Variants in SLC46A1 observed in about 807,000 individuals in gnomAD.
The protein encoded by SLC46A1 is solute carrier family 46 member 1.
In SLC46A1, 17 loss-of-function variants were observed where a neutral mutation model predicts 32.1. That is an observed-to-expected ratio of 0.53 (90% confidence interval 0.36 to 0.79). The LOEUF (loss-of-function observed/expected upper bound fraction) is 0.79. Ranked by LOEUF, SLC46A1 falls within the 30% of genes least tolerant of loss-of-function variation. The pLI is 0.00. For missense variants in SLC46A1, 517 were observed against 588.2 expected (o/e 0.88, Z 1.25); for synonymous variants, 240 against 262.7 (o/e 0.91, Z 0.84).
chr17:28,399,760 C>A (rs372717860), intron 4 of SLC46A1, 47 bp from the exon 5 acceptor site: 29 of 1,603,478 alleles, frequency 1.8e-5, no homozygotes, highest in Non-Finnish European at 2.3e-5. Flanking sequence ...GGGGAACCCT[C>A]AAGGCCTGTC....
intron 1 of SLC46A1, 91 bp downstream of exon 1, chr17:28,405,796 G>A: frequency 7.4e-7 from 1 of 1,345,866 alleles, no homozygotes; most frequent in Admixed American, 2.3e-5. Flanking sequence ...CCAGTTACCC[G>A]CCACTACCAT....
chr17:28,405,971 C>T lies in SLC46A1; in HGVS notation c.144G>A (p.Trp48Ter), dbSNP rs782442859. 1 of 1,611,844 alleles carries T rather than the reference C, an allele frequency of 6.2e-7. No individual in the cohort carries two copies. Among genetic ancestry groups the T allele is most frequent in the South Asian group, 1.1e-5 (1 of 90,740 alleles). The change falls in exon 1 of 5, where the codon TGG (tryptophan) becomes TGA (stop). Residue 48 changes from tryptophan to a stop codon, truncating the protein, a stop_gained. Coordinates refer to ENST00000612814, the MANE Select transcript of SLC46A1 (RefSeq NM_080669.6). LOFTEE classifies it high-confidence loss of function. ...AGCCGAGGTCGGCGCTGAAGCGGTGCCACAGATACTGCGTGGTGAGCGGGC... is the reference window on the plus strand; with the variant it reads ...AGCCGAGGTCGGCGCTGAAGCGGTGTCACAGATACTGCGTGGTGAGCGGGC... ...LQGPLTTQYLWHRFSADLGYN... is the reference protein window; with the variant it reads ...LQGPLTTQYL
chr17:28,406,324 C>T (rs1555591448), upstream of SLC46A1: 2 of 419,890 alleles, frequency 4.8e-6, no homozygotes, highest in African/African-American at 4.2e-5. The surrounding 1 kb of genome is among the most constrained non-coding windows in gnomAD (Gnocchi z 4.5). Flanking sequence ...CAGCGAGGGG[C>T]CCGGCACCCC....
chr17:28,402,217 C>A, intron 3 of SLC46A1, 21 bp downstream of exon 3: 1 of 1,605,018 alleles, frequency 6.2e-7, no homozygotes, highest in Non-Finnish European at 8.5e-7. Context: ...GAACCAGACA[C>A]AGGTGGGTTC....
intron 1 of SLC46A1, 71 bp downstream of exon 1, chr17:28,405,816 C>T (rs2142469344): frequency 6.9e-7 from 1 of 1,458,588 alleles, no homozygotes; most frequent in East Asian, 2.5e-5. Flanking sequence ...TTACGCAGGC[C>T]CCGCCCCTCC....
At chr17:28,405,667 C>T in intron 1 of SLC46A1, 199 bp from the exon 2 acceptor site, 1 of 976,728 alleles carries the variant, frequency 1.0e-6, no homozygotes, top group Admixed American at 2.8e-5. Flanking sequence ...TCCTTTCCCC[C>T]CCCTTTTGTT....
At chr17:28,406,237 T>G, upstream of SLC46A1, 1 of 731,202 alleles carries the variant, frequency 1.4e-6, no homozygotes. This position sits in a 1 kb window ranked among gnomAD's most constrained non-coding sequence, Gnocchi z 4.5. Context: ...CGTCCCTCCT[T>G]AAATGTCCGG....
rs2068165327 is a variant in SLC46A1 at position 28,399,204 on chromosome 17, G to C, written c.*452C>G. On this transcript the variant is annotated 3_prime_UTR_variant, in exon 5 of 5. Transcript: ENST00000612814. ...CCTTCCCAAGGCTGGCACTAACCAG[G>C]TACCACATTCATTGTTAAGGAATGG... 1 of 164,192 alleles carries C rather than the reference G, an allele frequency of 6.1e-6. No homozygotes were observed. Among genetic ancestry groups the C allele is most frequent in the Non-Finnish European group, 1.3e-5 (1 of 75,068 alleles). 10.2% of individuals were successfully genotyped at this position (164,192 alleles called of 1,614,324 possible).
At position 28,399,662 on chromosome 17, in the gene SLC46A1, G is replaced by T. The variant is rs1042990430; in HGVS notation, c.1374C>A (p.Ser458Arg). Residue 458 changes from serine to arginine, a missense_variant, in exon 5 of 5, where the codon AGC becomes AGA. Coordinates refer to ENST00000612814, the MANE Select transcript of SLC46A1 (RefSeq NM_080669.6). ...PHLEFQQFPQ[S>R]P Reference sequence around the variant, plus strand: ...GTCTTCTGGTCCAGGCAGATCAGGGGCTCTGGGGAAACTGCTGGAACTCGA... The same window carrying T: ...GTCTTCTGGTCCAGGCAGATCAGGGTCTCTGGGGAAACTGCTGGAACTCGA... 17 of 1,613,886 alleles carry T rather than the reference G, an allele frequency of 1.1e-5. No homozygotes were observed. Among genetic ancestry groups the T allele is most frequent in the Non-Finnish European group, 1.4e-5 (16 of 1,179,892 alleles).
Position 28,406,123 on chromosome 17 carries a change from G to GC in SLC46A1, c.-10dup, listed in dbSNP as rs2068260346. 1 of 1,428,134 alleles carries GC rather than the reference G, an allele frequency of 7.0e-7. No homozygotes were observed. Among genetic ancestry groups the GC allele is most frequent in the African/African-American group, 1.5e-5 (1 of 66,914 alleles). The allele number at this position is 1,428,134 out of a possible 1,614,324, so 88.5% of individuals were successfully genotyped here. A position where few individuals can be genotyped will look rare whatever the true frequency, so the allele number is the denominator to read the frequency against. ...CTCGCGCTCCCCTCCATGTGCGTGC[G>GC]CGGCGGAGCTGTCGCCAGGCGGGCG... On this transcript the variant is annotated 5_prime_UTR_variant, in exon 1 of 5. Coordinates refer to ENST00000612814, the MANE Select transcript of SLC46A1 (RefSeq NM_080669.6). The surrounding 1 kb of genome is among the most constrained non-coding windows in gnomAD (Gnocchi z 4.5).
In SLC46A1 at chr17:28,404,810, G is replaced by GGT; in HGVS notation, c.885_886dup (p.Pro296HisfsTer9). On this transcript the variant is annotated frameshift_variant, in exon 2 of 5. Transcript: ENST00000612814. LOFTEE classifies it high-confidence loss of function. Reference sequence around the variant, plus strand: ...GATTAGTTTGGAGTCCCAGCAGAGGGGTGTGCTTAGTTCATAAAGGGTTAA... The same window carrying GGT: ...GATTAGTTTGGAGTCCCAGCAGAGGGGTGTGTGCTTAGTTCATAAAGGGTTAA... 1 of 1,613,958 alleles carries GGT rather than the reference G, an allele frequency of 6.2e-7. No individual in the cohort carries two copies. The highest frequency in any genetic ancestry group is 8.5e-7 in the Non-Finnish European group (1 of 1,179,890).
rs782662279 is a variant in SLC46A1 at position 28,405,958 on chromosome 17, C to T, written c.157G>A (p.Ala53Thr). The change falls in exon 1 of 5, where the codon GCC (alanine) becomes ACC (threonine). Residue 53 changes from alanine (A) to threonine (T), a missense_variant. Physicochemically the swap from Ala to Thr is moderately conservative, Grantham distance 58. Transcript: ENST00000612814. Reference sequence around the variant, plus strand: ...CGGGTGCCATTGTAGCCGAGGTCGGCGCTGAAGCGGTGCCACAGATACTGC... The same window carrying T: ...CGGGTGCCATTGTAGCCGAGGTCGGTGCTGAAGCGGTGCCACAGATACTGC... ...TTQYLWHRFSADLGYNGTRQR... is the reference protein window; with the variant it reads ...TTQYLWHRFSTDLGYNGTRQR... 1.2e-6 allele frequency: 2 copies of T among 1,611,310 alleles called. No individual in the cohort carries two copies. Among genetic ancestry groups the T allele is most frequent in the African/African-American group, 2.7e-5 (2 of 74,896 alleles).
chr17:28,397,247 C>G lies in SLC46A1; in HGVS notation c.*2409G>C, dbSNP rs1202805090. 1 of 152,582 alleles carries G rather than the reference C, an allele frequency of 6.6e-6. No homozygotes were observed. The highest frequency in any genetic ancestry group is 1.5e-5 in the Non-Finnish European group (1 of 68,092). The allele number at this position is 152,582 out of a possible 1,614,324, so 9.5% of individuals were successfully genotyped here. On this transcript the variant is annotated 3_prime_UTR_variant, in exon 5 of 5. Coordinates refer to ENST00000612814, the MANE Select transcript of SLC46A1 (RefSeq NM_080669.6). The stretch of plus-strand genomic sequence containing the variant: ...AAAGGCAAAGGGTTGTCACTTAGGG[C>G]AGCTTCTCCAACTTTAACATGCATC...
At position 28,400,606 on chromosome 17, in the gene SLC46A1, T is replaced by G; in HGVS notation, c.1322+4A>C. The G allele has an allele frequency of 6.2e-7, 1 of 1,613,580 alleles. No individual in the cohort carries two copies. Among genetic ancestry groups the G allele is most frequent in the Non-Finnish European group, 8.5e-7 (1 of 1,179,718 alleles). ...ATGAGCATGGGTTCAGGGCCCTGCA[T>G]TACCCAATCAGAACAGCCGGGATGA... On this transcript the variant is annotated splice_donor_region_variant and intron_variant, in intron 4 of 4. Coordinates refer to ENST00000612814, the MANE Select transcript of SLC46A1 (RefSeq NM_080669.6).
chr17:28,397,074 G>C lies in SLC46A1; in HGVS notation c.*2582C>G, dbSNP rs1555588292. ...CCCATGCCTTGGTGCTGTGCCTCAG[G>C]CTCCTTCCTGGTCTGGCCCAGCTGG... On this transcript the variant is annotated 3_prime_UTR_variant, in exon 5 of 5. Transcript: ENST00000612814. 6.5e-6 allele frequency: 1 copy of C among 152,794 alleles called. No individual in the cohort carries two copies. The highest frequency in any genetic ancestry group is 1.5e-5 in the Non-Finnish European group (1 of 68,224). The allele number at this position is 152,794 out of a possible 1,614,324, so 9.5% of individuals were successfully genotyped here.
chr17:28,401,569 C>T (rs1454686237), intron 3 of SLC46A1: 7 of 152,228 alleles, frequency 4.6e-5, no homozygotes, highest in African/African-American at 1.4e-4. Flanking sequence ...ATAGATATAC[C>T]AGGAGAACCC....
intron 4 of SLC46A1, 198 bp from the exon 5 acceptor site, chr17:28,399,911 A>C (rs1335223291): frequency 1.7e-6 from 1 of 578,288 alleles, no homozygotes; most frequent in Non-Finnish European, 3.1e-6. Context: ...TTTTTTTTTA[A>C]GAGACAGGGT....
At position 28,395,659 on chromosome 17, in the gene SLC46A1, C is replaced by T; in HGVS notation, c.*3997G>A. The stretch of plus-strand genomic sequence containing the variant: ...AGTGGGGAATCATCTCTTTAGCATA[C>T]AAAGACACTCATCACTCAAGAGATT... On this transcript the variant is annotated 3_prime_UTR_variant, in exon 5 of 5. Transcript: ENST00000612814. The T allele has an allele frequency of 4.2e-6, 2 of 470,908 alleles. No homozygotes were observed. The highest frequency in any genetic ancestry group is 7.7e-6 in the Non-Finnish European group (2 of 259,416). The allele number at this position is 470,908 out of a possible 1,614,324, so 29.2% of individuals were successfully genotyped here. A position where few individuals can be genotyped will look rare whatever the true frequency, so the allele number is the denominator to read the frequency against.
At chr17:28,402,203 T>C (rs782342479) in intron 3 of SLC46A1, 35 bp downstream of exon 3, 1 of 1,589,614 alleles carries the variant, frequency 6.3e-7, no homozygotes, top group Non-Finnish European at 8.6e-7. Flanking sequence ...GCACTGGACA[T>C]GAGGAACCAG....
Sources: allele counts gnomAD v4.1 joint callset, GRCh38; gene constraint gnomAD v4.1.1; non-coding constraint Gnocchi (gnomAD v3.1); transcripts MANE v1.5; gene names NCBI Gene and HGNC (gene_info 2026-07-23, HGNC 2026-07-21).